The following NKAIN3 variants were observed in gnomAD, a reference collection of about 807,000 sequenced individuals.
NKAIN3 encodes the protein sodium/potassium transporting ATPase interacting 3.
In NKAIN3, 25 loss-of-function variants were observed where a neutral mutation model predicts 30.2. The observed-to-expected ratio is 0.83, with a 90% CI of 0.60 to 1.16. The LOEUF is 1.16. Ranked by LOEUF, NKAIN3 falls within the 50% of genes most tolerant of loss-of-function variation. NKAIN3 has a pLI of 0.00. For synonymous variants in NKAIN3, 91 were observed against 89.6 expected (o/e 1.02, Z -0.09); for missense variants, 225 against 254.1 (o/e 0.89, Z 0.78).
At chr8:62,997,145 T>C (rs1462872844) in intron 5 of NKAIN3, among the ~76,000 whole-genome samples, 4 of 152,112 alleles carry the variant, frequency 2.6e-5, no homozygotes, top group African/African-American at 9.7e-5. Context: ...TGGGAGGCAA[T>C]AGAACTGTTT....
chr8:62,719,894 C>A (rs1802607845), intron 3 of NKAIN3, among the ~76,000 whole-genome samples: 1 of 151,442 alleles, frequency 6.6e-6, no homozygotes, highest in Non-Finnish European at 1.5e-5. Context: ...GTAGCTGGGA[C>A]TACAGGCTCT....
At chr8:62,996,971 C>T (rs759572428) in intron 5 of NKAIN3, among the ~76,000 whole-genome samples, 4 of 152,090 alleles carry the variant, frequency 2.6e-5, no homozygotes, top group African/African-American at 4.8e-5. Flanking sequence ...TGCAAGCTGT[C>T]GGTGGATCTA....
In NKAIN3 at chr8:62,950,382, C is replaced by T. The variant is rs1389286804; in HGVS notation, c.533-3520C>T. Among the ~76,000 whole-genome samples, 3 of 152,260 alleles carry T rather than the reference C, an allele frequency of 2.0e-5. No homozygotes were observed. The East Asian group carries it at 5.8e-4, about 29-fold the overall frequency. ...CCTCACCTTGAGGACTTGGTGGCTT[C>T]TGTGGCCAAAAAGACTCATTGCTCT... On this transcript the variant is annotated intron_variant, in intron 5 of 6. Coordinates refer to ENST00000623646, the MANE Select transcript of NKAIN3 (RefSeq NM_001304533.3).
At chr8:62,884,071 TGC>T (rs1323249516) in intron 4 of NKAIN3, among the ~76,000 whole-genome samples, 1 of 152,222 alleles carries the variant, frequency 6.6e-6, no homozygotes, top group African/African-American at 2.4e-5. Flanking sequence ...TTAGTCATGA[TGC>T]AGAACTCTTT....
intron 1 of NKAIN3, among the ~76,000 whole-genome samples, chr8:62,446,053 G>A (rs1034632634): frequency 2.0e-5 from 3 of 152,120 alleles, no homozygotes; most frequent in Non-Finnish European, 2.9e-5. Context: ...AGACACTAAC[G>A]ATTAAATATC....
At chr8:62,822,550 C>T (rs1161115147) in intron 4 of NKAIN3, among the ~76,000 whole-genome samples, 1 of 152,132 alleles carries the variant, frequency 6.6e-6, no homozygotes, top group Non-Finnish European at 1.5e-5. Context: ...ATACAAGGAA[C>T]ACTTATGTTT....
intron 3 of NKAIN3, among the ~76,000 whole-genome samples, chr8:62,616,179 C>G (rs1811447811): frequency 6.6e-6 from 1 of 151,914 alleles, no homozygotes; most frequent in South Asian, 2.1e-4. Flanking sequence ...TTCTCCAATA[C>G]CAAATGGAGG....
At chr8:62,924,234 A>G (rs972826489) in intron 5 of NKAIN3, among the ~76,000 whole-genome samples, 1 of 151,998 alleles carries the variant, frequency 6.6e-6, no homozygotes, top group African/African-American at 2.4e-5. Context: ...CACCCTTCAG[A>G]TTTCAGCTTA....
Position 62,968,641 on chromosome 8 carries a change from G to A in NKAIN3, c.*3234G>A, listed in dbSNP as rs1220748332. Among the ~76,000 whole-genome samples the A allele has an allele frequency of 3.3e-5, 5 of 152,308 alleles. No individual in the cohort carries two copies. Among genetic ancestry groups the A allele is most frequent in the Admixed American group, 6.5e-5 (1 of 15,294 alleles). The stretch of plus-strand genomic sequence containing the variant: ...CCACTGCTCTTTAGCTTCTAGTGCT[G>A]ACTGGAATGGTGAACATTTAAAGCC... On this transcript the variant is annotated 3_prime_UTR_variant, in exon 7 of 7. Coordinates refer to ENST00000623646, the MANE Select transcript of NKAIN3 (RefSeq NM_001304533.3).
At chr8:62,305,392 C>G (rs1236888685) in intron 1 of NKAIN3, among the ~76,000 whole-genome samples, 2 of 150,390 alleles carry the variant, frequency 1.3e-5, no homozygotes, top group Admixed American at 1.3e-4. Context: ...TGACAAGGTC[C>G]TACTGCAAAA....
At chr8:62,483,339 A>G (rs901824511) in intron 1 of NKAIN3, 48 of 183,212 alleles carry the variant, frequency 2.6e-4, no homozygotes, top group African/African-American at 1.1e-3. Flanking sequence ...CTCTGCTCAC[A>G]CGTGGTGGAA....
chr8:62,360,465 C>T (rs1302937058), intron 1 of NKAIN3, among the ~76,000 whole-genome samples: 1 of 152,130 alleles, frequency 6.6e-6, no homozygotes, highest in African/African-American at 2.4e-5. Flanking sequence ...AAGTGTAATG[C>T]AAGTAGCTAA....
chr8:62,612,795 G>C (rs1811336178), intron 3 of NKAIN3, among the ~76,000 whole-genome samples: 1 of 151,596 alleles, frequency 6.6e-6, no homozygotes, highest in Non-Finnish European at 1.5e-5. Flanking sequence ...TTGGTTTGAG[G>C]TTGCCATGAG....
At chr8:62,781,117 G>T (rs149537291) in intron 4 of NKAIN3, among the ~76,000 whole-genome samples, 1 of 151,772 alleles carries the variant, frequency 6.6e-6, no homozygotes, top group East Asian at 1.9e-4. Context: ...AAAATCAGTA[G>T]CATTTATATA....
chr8:62,565,236 C>T (rs1180498094), intron 1 of NKAIN3, among the ~76,000 whole-genome samples: 2 of 151,986 alleles, frequency 1.3e-5, no homozygotes, highest in Non-Finnish European at 2.9e-5. Flanking sequence ...TAATATCGGA[C>T]ACTTCATTTC....
chr8:62,816,300 T>C (rs1222436591), intron 4 of NKAIN3, among the ~76,000 whole-genome samples: 1 of 152,184 alleles, frequency 6.6e-6, no homozygotes, highest in Non-Finnish European at 1.5e-5. Flanking sequence ...GTAATAAATG[T>C]CAGTGGTGTA....
At position 62,451,639 on chromosome 8, in the gene NKAIN3, A is replaced by G. The variant is rs563258031; in HGVS notation, c.55-127900A>G. 1.5e-4 allele frequency among the ~76,000 whole-genome samples: 23 copies of G among 152,254 alleles called. No homozygotes were observed. In the South Asian group the frequency reaches 4.4e-3, roughly 29 times the overall value. On this transcript the variant is annotated intron_variant, in intron 1 of 6. Coordinates refer to ENST00000623646, the MANE Select transcript of NKAIN3 (RefSeq NM_001304533.3). ...AGACCTAAATGTTTCAAATATTTAA[A>G]ATATATTACTTAAAATCATTCACAG...
chr8:62,976,315 G>A lies in NKAIN3; in HGVS notation c.*10908G>A, dbSNP rs1474466806. 6.6e-6 allele frequency among the ~76,000 whole-genome samples: 1 copy of A among 152,120 alleles called. No individual in the cohort carries two copies. Among genetic ancestry groups the A allele is most frequent in the East Asian group, 1.9e-4 (1 of 5,184 alleles). ...AGTCTCCCACTATTATTGTGTGGTA[G>A]TCTAAGTCTCTTTGTAGGTCTCTAA... On this transcript the variant is annotated 3_prime_UTR_variant, in exon 7 of 7. Coordinates refer to ENST00000623646, the MANE Select transcript of NKAIN3 (RefSeq NM_001304533.3).
At chr8:62,878,498 G>C (rs1258028982) in intron 4 of NKAIN3, among the ~76,000 whole-genome samples, 1 of 151,900 alleles carries the variant, frequency 6.6e-6, no homozygotes, top group African/African-American at 2.4e-5. Flanking sequence ...GTTGTGTTCT[G>C]TTGTTGTGTT....
Sources: allele counts gnomAD v4.1 joint callset (sites outside exome capture counted in the v4.1 genomes callset), GRCh38; gene constraint gnomAD v4.1.1; transcripts MANE v1.5; gene names NCBI Gene and HGNC (gene_info 2026-07-23, HGNC 2026-07-21).